DFFB: variants seen among roughly 807,000 people sequenced by gnomAD.
The protein encoded by DFFB is DNA fragmentation factor 40 kDa subunit.
DFFB carries 29 observed loss-of-function variants against 32.7 expected under a neutral mutation model. The ratio of observed to expected loss-of-function variants is 0.89; its 90% confidence interval spans 0.66 to 1.21. DFFB has a LOEUF of 1.21. Among genes scored for constraint, DFFB ranks in the 50% most tolerant of loss-of-function variants. The pLI is 0.00. For missense variants in DFFB, 398 were observed against 440.6 expected, an observed-to-expected ratio of 0.90 and a Z score of 0.87; for synonymous variants, 170 against 177.1, an observed-to-expected ratio of 0.96 and a Z score of 0.32.
intron 2 of DFFB, among the ~76,000 whole-genome samples, chr1:3,863,582 A>G (rs1434797757): frequency 6.6e-6 from 1 of 152,246 alleles, no homozygotes; most frequent in Non-Finnish European, 1.5e-5. Context: ...AGCTTTATTC[A>G]TAATAGCCAA....
At chr1:3,858,377 G>T (rs1047848949) in intron 1 of DFFB, among the ~76,000 whole-genome samples, 1 of 152,210 alleles carries the variant, frequency 6.6e-6, no homozygotes, top group Non-Finnish European at 1.5e-5. Flanking sequence ...GGGGATGGTG[G>T]TGTTCAGCTC....
intron 2 of DFFB, among the ~76,000 whole-genome samples, chr1:3,859,636 C>T (rs975425722): frequency 6.6e-6 from 1 of 152,182 alleles, no homozygotes; most frequent in Non-Finnish European, 1.5e-5. Context: ...ATCCATGTGG[C>T]CACCTCCCCG....
At chr1:3,860,522 C>A in intron 2 of DFFB, 1 of 410,160 alleles carries the variant, frequency 2.4e-6, no homozygotes, top group Admixed American at 2.5e-5. Context: ...AGCCACTGTG[C>A]CTGGCCTAAA....
At chr1:3,859,626 A>G (rs6660467) in intron 2 of DFFB, among the ~76,000 whole-genome samples, 39,899 of 151,986 alleles carry the variant, frequency 0.26, 5,706 homozygotes, top group African/African-American at 0.34. Context: ...GAAGAGTAAC[A>G]TCCATGTGGC....
In DFFB at chr1:3,865,906, C is replaced by A. The variant is rs770008628; in HGVS notation, c.336C>A (p.Ala112=). The A allele has an allele frequency of 1.3e-5, 21 of 1,612,918 alleles. No homozygotes were observed. The South Asian group carries it at 2.3e-4, about 18-fold the overall frequency. Reference sequence around the variant, plus strand: ...AGCAGCTGCTGTGTGATGAGCAGGCCCCACAGAGGCAGAGGCTGCTGGCTG... The same window carrying A: ...AGCAGCTGCTGTGTGATGAGCAGGCACCACAGAGGCAGAGGCTGCTGGCTG... ...AAQQLLCDEQ[A]PQRQRLLADL... is the part of the protein sequence containing the mutation. The change falls in exon 3 of 7, where the codon GCC becomes GCA. Residue 112 remains alanine (A), a synonymous_variant. Coordinates refer to ENST00000378209, the MANE Select transcript of DFFB (RefSeq NM_004402.4). This position sits in a 1 kb window ranked among gnomAD's most constrained non-coding sequence, Gnocchi z 4.7.
Position 3,869,622 on chromosome 1 carries a change from C to T in DFFB, c.528C>T (p.Ser176=). 1 of 1,612,296 alleles carries T rather than the reference C, an allele frequency of 6.2e-7. No individual in the cohort carries two copies. The highest frequency in any genetic ancestry group is 1.1e-5 in the South Asian group (1 of 91,038). ...TCCTCCAGGTGAGCTCCTACCCCTC[C>T]ACGGTGGGTGCGGAGGCTCAGGAGG... is the stretch of plus-strand genomic sequence containing the variant. The part of the protein sequence containing the change: ...SYLREVSSYP[S]TVGAEAQEEF... The change falls in exon 5 of 7, where the codon TCC becomes TCT. Residue 176 remains serine (S), a synonymous_variant. Transcript: ENST00000378209.
At chr1:3,866,288 G>C (rs1436084817) in intron 3 of DFFB, 7 of 487,814 alleles carry the variant, frequency 1.4e-5, no homozygotes, top group Non-Finnish European at 2.8e-5. Context: ...CCCCAGGCTG[G>C]AGTGCAGTGG....
At chr1:3,874,339 G>A (rs1418228190) in intron 6 of DFFB, among the ~76,000 whole-genome samples, 2 of 61,792 alleles carry the variant, frequency 3.2e-5, no homozygotes, top group Non-Finnish European at 3.2e-5. Flanking sequence ...GGTGGCCCAC[G>A]CTGTGGTCTG....
At position 3,871,109 on chromosome 1, in the gene DFFB, G is replaced by A. The variant is rs560824912; in HGVS notation, c.681+1334G>A. Among the ~76,000 whole-genome samples the A allele has an allele frequency of 3.5e-3, 538 of 152,162 alleles. 4 individuals are homozygous for A. The highest frequency in any genetic ancestry group is 2.5e-3 in the Non-Finnish European group (169 of 67,994). On this transcript the variant is annotated intron_variant, in intron 5 of 6. Transcript: ENST00000378209. ...GGACATGGGTCCTTGCTTCTCACGCGCTGGTCCTGCCCTGGCAAGTCAGTA... is the reference window on the plus strand; with the variant it reads ...GGACATGGGTCCTTGCTTCTCACGCACTGGTCCTGCCCTGGCAAGTCAGTA...
rs867776343 is a variant in DFFB at position 3,865,703 on chromosome 1, G to A, written c.242-109G>A. On this transcript the variant is annotated intron_variant, in intron 2 of 6. Transcript: ENST00000378209. The surrounding 1 kb of genome is among the most constrained non-coding windows in gnomAD (Gnocchi z 4.7). ...ACCTCAAGTCTGAGTCCTGGTGATT[G>A]CCAGGCCCTGGGGAATGGGGGAAGA... 9.0e-6 allele frequency: 14 copies of A among 1,560,500 alleles called. No individual in the cohort carries two copies. In the Middle Eastern group the frequency reaches 6.7e-4, roughly 75 times the overall value.
chr1:3,867,111 C>T (rs181298560), intron 3 of DFFB, among the ~76,000 whole-genome samples: 61 of 152,260 alleles, frequency 4.0e-4, no homozygotes, highest in Middle Eastern at 3.4e-3. Context: ...TTAGCCAGGA[C>T]GGTCTCAATC....
At chr1:3,882,373 C>T (rs962685807) in intron 6 of DFFB, among the ~76,000 whole-genome samples, 2 of 148,654 alleles carry the variant, frequency 1.3e-5, no homozygotes, top group Non-Finnish European at 3.0e-5. Flanking sequence ...TTTTTGTTTT[C>T]TTTTTTTTTT....
chr1:3,865,221 C>G lies in DFFB; in HGVS notation c.242-591C>G, dbSNP rs1278392819. 6.6e-6 allele frequency among the ~76,000 whole-genome samples: 1 copy of G among 152,204 alleles called. No homozygotes were observed. Among genetic ancestry groups the G allele is most frequent in the Non-Finnish European group, 1.5e-5 (1 of 68,044 alleles). On this transcript the variant is annotated intron_variant, in intron 2 of 6. Transcript: ENST00000378209. The surrounding 1 kb of genome is among the most constrained non-coding windows in gnomAD (Gnocchi z 4.7). Reference sequence around the variant, plus strand: ...TGTCCTCCTGTCTTCTTCTGACCCACTGATGTGATCGTGAGGCTTTTCTCA... The same window carrying G: ...TGTCCTCCTGTCTTCTTCTGACCCAGTGATGTGATCGTGAGGCTTTTCTCA...
chr1:3,858,935 G>T (rs1340876819), intron 2 of DFFB, 91 bp downstream of exon 2: 48 of 1,552,294 alleles, frequency 3.1e-5, no homozygotes, highest in South Asian at 1.2e-5. Flanking sequence ...GGGTGGGGAA[G>T]AGTCCCCCTT....
chr1:3,860,507 G>C, intron 2 of DFFB: 1 of 428,622 alleles, frequency 2.3e-6, no homozygotes, highest in South Asian at 1.6e-5. Flanking sequence ...GGGATTACAG[G>C]TATGAGCCAC....
chr1:3,868,756 T>G (rs986020304), intron 4 of DFFB, among the ~76,000 whole-genome samples: 1 of 96,898 alleles, frequency 1.0e-5, no homozygotes, highest in Admixed American at 1.1e-4. Context: ...CATTAGCACA[T>G]GGAGGGTGCT....
In DFFB at chr1:3,884,317, G is replaced by A. The variant is rs576279721; in HGVS notation, c.*576G>A. The stretch of plus-strand genomic sequence containing the variant: ...TGTCTCTGGGCTGAGGAATTCTTCT[G>A]TTCTCTGGTTTCACCAGCGTTGGGT... On this transcript the variant is annotated 3_prime_UTR_variant, in exon 7 of 7. Transcript: ENST00000378209. The A allele has an allele frequency of 1.8e-3, 283 of 154,896 alleles. No homozygotes were observed. The highest frequency in any genetic ancestry group is 2.7e-3 in the Non-Finnish European group (185 of 69,668). 9.6% of individuals were successfully genotyped at this position (154,896 alleles called of 1,614,324 possible). A position where few individuals can be genotyped will look rare whatever the true frequency, so the allele number is the denominator to read the frequency against.
At chr1:3,857,860 G>A (rs1644783875) in intron 1 of DFFB, 143 bp downstream of exon 1, 1 of 584,232 alleles carries the variant, frequency 1.7e-6, no homozygotes. Context: ...CTAGGACCCC[G>A]GGCCCCCGCA....
At position 3,865,517 on chromosome 1, in the gene DFFB, A is replaced by C; in HGVS notation, c.242-295A>C. ...CAGGAAGGGCCAAAGTGGGGGGCGT[A>C]TGGTTTGGAGGGGAGGAGGCCAAAT... On this transcript the variant is annotated intron_variant, in intron 2 of 6. Coordinates refer to ENST00000378209, the MANE Select transcript of DFFB (RefSeq NM_004402.4). This position sits in a 1 kb window ranked among gnomAD's most constrained non-coding sequence, Gnocchi z 4.7. 2 of 534,154 alleles carry C rather than the reference A, an allele frequency of 3.7e-6. No individual in the cohort carries two copies. The highest frequency in any genetic ancestry group is 6.8e-6 in the Non-Finnish European group (2 of 295,356). The allele number at this position is 534,154 out of a possible 1,614,324, so 33.1% of individuals were successfully genotyped here.
Sources: gnomAD v4.1 joint callset for allele counts (sites outside exome capture counted in the v4.1 genomes callset) on GRCh38, gnomAD v4.1.1 for gene constraint, Gnocchi (gnomAD v3.1) non-coding constraint, MANE v1.5 for transcripts, NCBI Gene and HGNC (gene_info 2026-07-23, HGNC 2026-07-21) for gene names.